Variants in FNIP1 observed in about 807,000 individuals in gnomAD.
FNIP1 encodes folliculin-interacting protein 1.
Under a neutral mutation model 124.5 loss-of-function variants are expected in FNIP1, and 40 were observed. The observed-to-expected ratio is 0.32, with a 90% CI of 0.25 to 0.42. The LOEUF (loss-of-function observed/expected upper bound fraction) is 0.42. Ranked by LOEUF, FNIP1 falls within the 10% of genes least tolerant of loss-of-function variation. The probability of loss-of-function intolerance (pLI) is 1.00; values close to 1 mark genes in which losing one functional copy is unlikely to be tolerated. For missense variants in FNIP1, 1,176 were observed against 1,403.7 expected (o/e 0.84, Z 2.59); for synonymous variants, 472 against 470.6 (o/e 1.00, Z -0.04).
At chr5:131,692,075 A>ATTT (rs1768499558) in intron 11 of FNIP1, among the ~76,000 whole-genome samples, 1 of 152,196 alleles carries the variant, frequency 6.6e-6, no homozygotes, top group East Asian at 1.9e-4. Context: ...AGACAGAAAA[A>ATTT]GTATACATGT....
At chr5:131,796,649 G>A (rs919074399) in intron 1 of FNIP1, 181 bp downstream of exon 1, 1 of 596,154 alleles carries the variant, frequency 1.7e-6, no homozygotes, top group Non-Finnish European at 2.9e-6. Flanking sequence ...TAAAATAAAA[G>A]GTAGGACCTC....
rs1324118466 is a variant in FNIP1 at position 131,661,608 on chromosome 5, C to T, written c.3108+8855G>A. 7.2e-5 allele frequency among the ~76,000 whole-genome samples: 11 copies of T among 152,148 alleles called. No homozygotes were observed. The East Asian group carries it at 1.7e-3, about 24-fold the overall frequency. ...TTGATGGTCTCTCGCCCCTCTCCCT[C>T]GCTCCCCCACACAGCCTATTGGGTG... On this transcript the variant is annotated intron_variant, in intron 15 of 17. Transcript: ENST00000510461.
At chr5:131,736,850 T>A (rs1770324206) in intron 2 of FNIP1, among the ~76,000 whole-genome samples, 1 of 152,204 alleles carries the variant, frequency 6.6e-6, no homozygotes, top group East Asian at 1.9e-4. Context: ...TGTTCATATT[T>A]TTAGGAAATA....
chr5:131,648,655 T>C (rs915956118), intron 16 of FNIP1, among the ~76,000 whole-genome samples: 13 of 152,248 alleles, frequency 8.5e-5, no homozygotes, highest in Non-Finnish European at 2.9e-5. Context: ...ATTTACTATA[T>C]TGACCACTTT....
At chr5:131,730,250 T>C (rs1028376213) in intron 3 of FNIP1, among the ~76,000 whole-genome samples, 23 of 152,178 alleles carry the variant, frequency 1.5e-4, no homozygotes, top group African/African-American at 3.4e-4. Context: ...GCTTGTCCCA[T>C]TGATTAGGTA....
chr5:131,792,369 C>T (rs904749140), intron 1 of FNIP1, among the ~76,000 whole-genome samples: 1 of 152,142 alleles, frequency 6.6e-6, no homozygotes, highest in Non-Finnish European at 1.5e-5. Context: ...CCACATTGGC[C>T]AGGCTGGTCT....
intron 1 of FNIP1, among the ~76,000 whole-genome samples, chr5:131,750,287 CG>C (rs1770826941): frequency 6.6e-6 from 1 of 151,924 alleles, no homozygotes; most frequent in African/African-American, 2.4e-5. Context: ...GGAGGCAGTA[CG>C]GTCAAAGTGC....
intron 13 of FNIP1, among the ~76,000 whole-genome samples, chr5:131,675,072 C>T (rs1164979198): frequency 3.3e-5 from 5 of 152,196 alleles, no homozygotes; most frequent in African/African-American, 1.2e-4. Context: ...ACTTATCCTC[C>T]TTCTTGGCAG....
At chr5:131,710,729 A>G in intron 6 of FNIP1, 68 bp from the exon 7 acceptor site, 4 of 1,408,494 alleles carry the variant, frequency 2.8e-6, no homozygotes, top group Non-Finnish European at 3.9e-6. Context: ...CGTCAGGGAA[A>G]AAAGGTGAGC....
intron 1 of FNIP1, among the ~76,000 whole-genome samples, chr5:131,792,524 CAGAA>C (rs1259566099): frequency 9.2e-5 from 14 of 152,168 alleles, no homozygotes; most frequent in South Asian, 2.1e-4. Flanking sequence ...AGAGTGATCA[CAGAA>C]AGACCAGTTA....
At chr5:131,675,789 TG>T (rs756693067) in intron 13 of FNIP1, among the ~76,000 whole-genome samples, 1 of 152,126 alleles carries the variant, frequency 6.6e-6, no homozygotes, top group Non-Finnish European at 1.5e-5. Flanking sequence ...AGGAAACTTT[TG>T]TAAGTGATGC....
intron 1 of FNIP1, among the ~76,000 whole-genome samples, chr5:131,790,371 C>A (rs772408401): frequency 6.8e-6 from 1 of 146,528 alleles, no homozygotes. Context: ...CCCAGCTATT[C>A]GGGAGGCTGA....
chr5:131,736,618 C>T (rs181471364), intron 2 of FNIP1, among the ~76,000 whole-genome samples: 20 of 152,334 alleles, frequency 1.3e-4, no homozygotes, highest in Non-Finnish European at 1.8e-4. Context: ...AGCATTAGAT[C>T]CTCATAGGAG....
In FNIP1 at chr5:131,642,861, C is replaced by T. The variant is rs1431130097; in HGVS notation, c.*1824G>A. 3 of 91,990 alleles carry T rather than the reference C, an allele frequency of 3.3e-5. No homozygotes were observed. The highest frequency in any genetic ancestry group is 6.2e-5 in the Non-Finnish European group (3 of 48,708). 5.7% of individuals were successfully genotyped at this position (91,990 alleles called of 1,614,324 possible). On this transcript the variant is annotated 3_prime_UTR_variant, in exon 18 of 18. Transcript: ENST00000510461. ...TCCAGCCTGGGTAACAAGAGTGAAA[C>T]TCCGTCAAAAAAAAAAAAAAAAAAA...
rs900810395 is a variant in FNIP1 at position 131,672,069 on chromosome 5, T to C, written c.2375A>G (p.Asp792Gly). The change falls in exon 14 of 18, where the codon GAT becomes GGT. Residue 792 changes from aspartate to glycine, a missense_variant. By Grantham distance (94) the Asp-to-Gly change is moderately conservative (BLOSUM62 -1). Around this residue, in one of 2 missense-constraint regions of FNIP1, gnomAD observed 1,109 missense variants for 1,288.5 expected, o/e 0.86. Coordinates refer to ENST00000510461, the MANE Select transcript of FNIP1 (RefSeq NM_133372.3). ...KPLKEERGAI[D>G]QHQETKQTTK... ...TGTTTGTTTAGTTTCTTGATGCTGA[T>C]CAATAGCCCCTCTTTCTTCCTTCAA... 2 of 1,614,200 alleles carry C rather than the reference T, an allele frequency of 1.2e-6. No homozygotes were observed. The highest frequency in any genetic ancestry group is 1.7e-5 in the Admixed American group (1 of 60,028).
chr5:131,712,751 C>A (rs992475646), intron 6 of FNIP1, among the ~76,000 whole-genome samples: 1 of 152,094 alleles, frequency 6.6e-6, no homozygotes, highest in African/African-American at 2.4e-5. Flanking sequence ...AACAAAAGTT[C>A]TCTGCAGTCC....
intron 1 of FNIP1, among the ~76,000 whole-genome samples, chr5:131,757,276 C>A (rs990031805): frequency 6.6e-6 from 1 of 152,072 alleles, no homozygotes. Flanking sequence ...CCAAGAAGAA[C>A]ACATAAAGGT....
chr5:131,658,408 C>T (rs755320291), intron 15 of FNIP1, among the ~76,000 whole-genome samples: 36 of 152,138 alleles, frequency 2.4e-4, no homozygotes, highest in Non-Finnish European at 3.8e-4. Flanking sequence ...AAGCTAACTT[C>T]GGAAGACATT....
At chr5:131,666,044 T>C (rs1419667868) in intron 15 of FNIP1, among the ~76,000 whole-genome samples, 1 of 151,354 alleles carries the variant, frequency 6.6e-6, no homozygotes, top group Non-Finnish European at 1.5e-5. Context: ...TCCACCACCA[T>C]GCCTGGCTAA....
Sources: gnomAD v4.1 joint callset for allele counts (sites outside exome capture counted in the v4.1 genomes callset) on GRCh38, gnomAD v4.1.1 for gene constraint, gnomAD v4.1.1 regional missense constraint, MANE v1.5 for transcripts, NCBI Gene and HGNC (gene_info 2026-07-23, HGNC 2026-07-21) for gene names.